Variants in GLRA2 observed in about 807,000 individuals in gnomAD.
GLRA2 encodes glycine receptor alpha 2, also known as glycine receptor subunit alpha-2.
A neutral mutation model predicts 31.6 loss-of-function variants in GLRA2; 11 were observed. The observed-to-expected ratio is 0.35, with a 90% CI of 0.22 to 0.58. GLRA2 has a LOEUF of 0.58. GLRA2 is among the 20% of genes least tolerant of loss of function. The pLI, the probability that GLRA2 is intolerant of heterozygous loss-of-function variation, is 0.84. For synonymous variants in GLRA2, 132 were observed against 134.0 expected (o/e 0.99, Z 0.10); for missense variants, 212 against 351.8 (o/e 0.60, Z 3.18).
At chrX:14,493,639 A>G in the GLRA2 span, among the ~76,000 whole-genome samples, 1 of 102,240 alleles carries the variant, frequency 9.8e-6, no homozygotes, top group Non-Finnish European at 2.0e-5. Flanking sequence ...ATACATATAT[A>G]CATATATATA....
the GLRA2 span, among the ~76,000 whole-genome samples, chrX:14,493,594 T>TACATATATACACATATAC: frequency 5.9e-5 from 6 of 102,162 alleles, no homozygotes; most frequent in Non-Finnish European, 1.2e-4. Context: ...TACACATATA[T>TACATATATACACATATAC]ACATATATAC....
chrX:14,521,826 G>T, the GLRA2 span, among the ~76,000 whole-genome samples: 1 of 112,019 alleles, frequency 8.9e-6, no homozygotes, highest in African/African-American at 3.2e-5. Context: ...TAAAAATAAT[G>T]CACATACCTT....
chrX:14,687,618 C>A (rs925165461), intron 7 of GLRA2, among the ~76,000 whole-genome samples: 41 of 112,313 alleles, frequency 3.7e-4, no homozygotes, highest in African/African-American at 1.0e-3. Context: ...CTTGTGCATG[C>A]GTCACGTAGT....
chrX:14,548,661 A>G (rs1393192767), intron 2 of GLRA2, among the ~76,000 whole-genome samples: 1 of 111,879 alleles, frequency 8.9e-6, no homozygotes, highest in African/African-American at 3.2e-5. Flanking sequence ...ACATGGATGG[A>G]TAGTGACATC....
chrX:14,568,922 G>A (rs1209096321), intron 2 of GLRA2, among the ~76,000 whole-genome samples: 1 of 111,005 alleles, frequency 9.0e-6, no homozygotes, highest in East Asian at 2.8e-4. Context: ...TGAAACCAAA[G>A]CATAAGAAAC....
At chrX:14,491,381 C>T in the GLRA2 span, among the ~76,000 whole-genome samples, 3 of 111,449 alleles carry the variant, frequency 2.7e-5, no homozygotes, top group East Asian at 8.5e-4. Flanking sequence ...CACCTTAGTT[C>T]TTCCTTTCGT....
the GLRA2 span, among the ~76,000 whole-genome samples, chrX:14,489,601 A>G: frequency 1.8e-5 from 2 of 112,185 alleles, no homozygotes; most frequent in African/African-American, 3.2e-5. Flanking sequence ...GCTTCTCCCC[A>G]GAGAAAGCGA....
chrX:14,647,836 G>A (rs1057101609), intron 7 of GLRA2, among the ~76,000 whole-genome samples: 2 of 112,008 alleles, frequency 1.8e-5, no homozygotes, highest in Non-Finnish European at 3.8e-5. Context: ...ATGTAAAAAC[G>A]TAGAAATTAA....
the GLRA2 span, among the ~76,000 whole-genome samples, chrX:14,456,978 T>G: frequency 8.9e-6 from 1 of 111,979 alleles, no homozygotes; most frequent in African/African-American, 3.2e-5. Flanking sequence ...TACTATCAAC[T>G]GTGTAAAAGG....
chrX:14,725,855 C>T (rs1212024823), intron 8 of GLRA2, among the ~76,000 whole-genome samples: 2 of 112,038 alleles, frequency 1.8e-5, no homozygotes, highest in Non-Finnish European at 3.8e-5. Context: ...ATACAGCAGA[C>T]GGGATTAAGG....
At chrX:14,617,894 C>G (rs2090471476) in intron 7 of GLRA2, among the ~76,000 whole-genome samples, 1 of 111,969 alleles carries the variant, frequency 8.9e-6, no homozygotes, top group African/African-American at 3.2e-5. Context: ...TAGTCTGGAA[C>G]TTCCTGGAAG....
the GLRA2 span, among the ~76,000 whole-genome samples, chrX:14,468,315 G>A: frequency 2.7e-5 from 3 of 112,033 alleles, no homozygotes; most frequent in African/African-American, 9.7e-5. Flanking sequence ...ATTTTCCAGT[G>A]TGATGGGATG....
At chrX:14,493,560 CACATATAT>C in the GLRA2 span, among the ~76,000 whole-genome samples, 195 of 103,570 alleles carry the variant, frequency 1.9e-3, no homozygotes, top group Non-Finnish European at 2.6e-3. Context: ...TACATATATA[CACATATAT>C]ACATATATAC....
At chrX:14,547,529 A>G (rs1236456591) in intron 2 of GLRA2, among the ~76,000 whole-genome samples, 1 of 110,366 alleles carries the variant, frequency 9.1e-6, no homozygotes, top group Non-Finnish European at 1.9e-5. Flanking sequence ...GGAGACATAT[A>G]AGAGAGTGAG....
chrX:14,605,040 C>T (rs1601757365), intron 5 of GLRA2, among the ~76,000 whole-genome samples: 1 of 111,309 alleles, frequency 9.0e-6, no homozygotes, highest in African/African-American at 3.3e-5. Flanking sequence ...AACCCTGATG[C>T]CACTAAAGTC....
chrX:14,491,642 G>A, the GLRA2 span, among the ~76,000 whole-genome samples: 5 of 111,606 alleles, frequency 4.5e-5, no homozygotes, highest in South Asian at 1.9e-3. Context: ...TGGGCATCAG[G>A]ATTTCTAACA....
At chrX:14,631,064 A>T (rs969373505) in intron 7 of GLRA2, among the ~76,000 whole-genome samples, 25 of 111,066 alleles carry the variant, frequency 2.3e-4, no homozygotes, top group African/African-American at 5.9e-4. Context: ...CTGGGAATTA[A>T]GTTTCAACAT....
At chrX:14,593,875 C>T (rs1247915006) in intron 4 of GLRA2, among the ~76,000 whole-genome samples, 1 of 113,113 alleles carries the variant, frequency 8.8e-6, no homozygotes, top group Non-Finnish European at 1.9e-5. Context: ...CCTTGAGTTT[C>T]CTCTTTTTGG....
the GLRA2 span, among the ~76,000 whole-genome samples, chrX:14,501,203 T>A: frequency 2.8e-4 from 31 of 111,393 alleles, no homozygotes; most frequent in Admixed American, 6.7e-4. Flanking sequence ...CTCAACCATA[T>A]TTTGATGGGA....
Sources: allele counts gnomAD v4.1 joint callset (sites outside exome capture counted in the v4.1 genomes callset), GRCh38; gene constraint gnomAD v4.1.1; transcripts MANE v1.5; gene names NCBI Gene and HGNC (gene_info 2026-07-23, HGNC 2026-07-21).